The following RASAL2 variants were observed in gnomAD, a reference collection of about 807,000 sequenced individuals.
RASAL2 encodes the protein ras GTPase-activating protein nGAP.
Under a neutral mutation model 128.9 loss-of-function variants are expected in RASAL2, and 58 were observed. The observed-to-expected ratio is 0.45, with a 90% CI of 0.36 to 0.56. The LOEUF (loss-of-function observed/expected upper bound fraction) is 0.56. Ranked by LOEUF, RASAL2 falls within the 20% of genes least tolerant of loss-of-function variation. The pLI is 0.00. For missense variants in RASAL2, 1,360 were observed against 1,601.6 expected, an observed-to-expected ratio of 0.85 and a Z score of 2.57; for synonymous variants, 561 against 580.8, an observed-to-expected ratio of 0.97 and a Z score of 0.49.
At chr1:178,304,790 A>G (rs529744401) in intron 3 of RASAL2, among the ~76,000 whole-genome samples, 1 of 152,334 alleles carries the variant, frequency 6.6e-6, no homozygotes, top group East Asian at 1.9e-4. Context: ...TAGTACTGGA[A>G]GTCCTAGCTA....
chr1:178,341,868 A>T (rs1669900124), intron 3 of RASAL2, among the ~76,000 whole-genome samples: 1 of 152,204 alleles, frequency 6.6e-6, no homozygotes, highest in African/African-American at 2.4e-5. Flanking sequence ...ATAGCAAAAT[A>T]TTAACACTGC....
chr1:178,436,159 T>G (rs1413190394), intron 5 of RASAL2, among the ~76,000 whole-genome samples: 1 of 152,132 alleles, frequency 6.6e-6, no homozygotes, highest in Non-Finnish European at 1.5e-5. Context: ...CCAGGCTGTT[T>G]GATCTTCCTG....
intron 3 of RASAL2, among the ~76,000 whole-genome samples, chr1:178,325,620 A>G (rs1669001015): frequency 6.6e-6 from 1 of 152,216 alleles, no homozygotes; most frequent in Admixed American, 6.5e-5. Flanking sequence ...GGATAGAAAT[A>G]GCCTTGGAGT....
chr1:178,299,920 A>G (rs1667687752), intron 2 of RASAL2, 72 bp from the exon 3 acceptor site: 1 of 1,505,458 alleles, frequency 6.6e-7, no homozygotes, highest in East Asian at 2.3e-5. Context: ...TTTGACTAAA[A>G]CCATTATTCA....
chr1:178,318,695 G>A (rs200058007), intron 3 of RASAL2, among the ~76,000 whole-genome samples: 36 of 149,666 alleles, frequency 2.4e-4, no homozygotes, highest in African/African-American at 6.9e-4. Context: ...GTCTCTGCAC[G>A]TGAGATGGGT....
At chr1:178,161,237 A>G (rs1661282237) in intron 1 of RASAL2, among the ~76,000 whole-genome samples, 1 of 152,174 alleles carries the variant, frequency 6.6e-6, no homozygotes, top group Non-Finnish European at 1.5e-5. Flanking sequence ...CAGAACTTTG[A>G]TCACCCTGAA....
chr1:178,285,813 A>G (rs1557877460), intron 2 of RASAL2, among the ~76,000 whole-genome samples: 2 of 152,180 alleles, frequency 1.3e-5, no homozygotes, highest in African/African-American at 2.4e-5. Flanking sequence ...CCTACATTTT[A>G]TTCAATTTAG....
At chr1:178,183,024 G>A (rs2101932652) in intron 1 of RASAL2, among the ~76,000 whole-genome samples, 1 of 152,260 alleles carries the variant, frequency 6.6e-6, no homozygotes. Flanking sequence ...GACAGGAGGT[G>A]CAGCTCAGGC....
chr1:178,418,710 C>G (rs970270248), intron 4 of RASAL2, among the ~76,000 whole-genome samples: 1 of 152,178 alleles, frequency 6.6e-6, no homozygotes, highest in Admixed American at 6.5e-5. Flanking sequence ...TACTGTTGTT[C>G]ACCAAATATT....
At chr1:178,163,493 T>C (rs1661405824) in intron 1 of RASAL2, among the ~76,000 whole-genome samples, 1 of 152,188 alleles carries the variant, frequency 6.6e-6, no homozygotes, top group African/African-American at 2.4e-5. Flanking sequence ...ATGGTGTGAC[T>C]AGGGTCTAAC....
intron 1 of RASAL2, among the ~76,000 whole-genome samples, chr1:178,153,707 A>G (rs541297281): frequency 1.4e-4 from 22 of 152,264 alleles, no homozygotes; most frequent in African/African-American, 5.3e-4. Flanking sequence ...TCACCAGTTA[A>G]TATTTTGGCT....
intron 1 of RASAL2, among the ~76,000 whole-genome samples, chr1:178,207,941 A>G (rs1211469610): frequency 1.3e-5 from 2 of 152,336 alleles, no homozygotes; most frequent in Non-Finnish European, 2.9e-5. Flanking sequence ...GGCTGGAGCC[A>G]CGGCAGAGGA....
intron 9 of RASAL2, among the ~76,000 whole-genome samples, chr1:178,447,457 C>T: frequency 6.6e-6 from 1 of 151,568 alleles, no homozygotes; most frequent in Non-Finnish European, 1.5e-5. Flanking sequence ...GCCCACCACC[C>T]AAGGTCAGGA....
chr1:178,152,904 TA>T (rs929669603), intron 1 of RASAL2, among the ~76,000 whole-genome samples: 1 of 152,202 alleles, frequency 6.6e-6, no homozygotes, highest in African/African-American at 2.4e-5. Context: ...TATATATCTC[TA>T]AAAGATAATC....
At chr1:178,199,003 A>G (rs547011073) in intron 1 of RASAL2, among the ~76,000 whole-genome samples, 1 of 152,258 alleles carries the variant, frequency 6.6e-6, no homozygotes, top group East Asian at 1.9e-4. Flanking sequence ...CGCTTTGTTT[A>G]CCTACTCAAG....
At chr1:178,365,619 G>A (rs1353506301) in intron 3 of RASAL2, among the ~76,000 whole-genome samples, 3 of 152,130 alleles carry the variant, frequency 2.0e-5, no homozygotes, top group South Asian at 4.2e-4. Flanking sequence ...TTACAGGCAC[G>A]CACCACTATG....
intron 3 of RASAL2, among the ~76,000 whole-genome samples, chr1:178,331,473 T>C (rs1669308356): frequency 6.6e-6 from 1 of 152,138 alleles, no homozygotes. Context: ...TAGTAATCTA[T>C]TTAAAAACAT....
At chr1:178,395,771 G>GTGTATATA (rs1304461734) in intron 4 of RASAL2, among the ~76,000 whole-genome samples, 1 of 133,024 alleles carries the variant, frequency 7.5e-6, no homozygotes, top group African/African-American at 3.4e-5. Flanking sequence ...TTAATGAACA[G>GTGTATATA]TATATATATA....
chr1:178,162,413 A>G (rs1179065211), intron 1 of RASAL2, among the ~76,000 whole-genome samples: 3 of 118,192 alleles, frequency 2.5e-5, no homozygotes, highest in Non-Finnish European at 4.9e-5. Flanking sequence ...TTTATATATT[A>G]TATATAATAT....
Sources: allele counts gnomAD v4.1 joint callset (sites outside exome capture counted in the v4.1 genomes callset), GRCh38; gene constraint gnomAD v4.1.1; transcripts MANE v1.5; gene names NCBI Gene and HGNC (gene_info 2026-07-23, HGNC 2026-07-21).